The following VWA3B variants were observed in gnomAD, a reference collection of about 807,000 sequenced individuals.
The protein encoded by VWA3B is von Willebrand factor A domain-containing protein 3B.
VWA3B carries 138 observed loss-of-function variants against 158.3 expected under a neutral mutation model. The ratio of observed to expected loss-of-function variants is 0.87; its 90% CI spans 0.76 to 1.00. VWA3B has a LOEUF of 1.00. Ranked by LOEUF, VWA3B falls within the 50% of genes least tolerant of loss-of-function variation. The pLI is 0.00. For synonymous variants in VWA3B, 596 were observed against 587.3 expected, an observed-to-expected ratio of 1.01 and a Z score of -0.21; for missense variants, 1,555 against 1,565.1, an observed-to-expected ratio of 0.99 and a Z score of 0.11.
chr2:98,154,619 G>A (rs1357312383), intron 7 of VWA3B, among the ~76,000 whole-genome samples: 1 of 152,176 alleles, frequency 6.6e-6, no homozygotes, highest in African/African-American at 2.4e-5. Flanking sequence ...ACTGGGCAGG[G>A]GTGGGCTCAG....
chr2:98,141,398 A>G (rs1361802863), intron 7 of VWA3B, among the ~76,000 whole-genome samples: 1 of 152,198 alleles, frequency 6.6e-6, no homozygotes, highest in Admixed American at 6.5e-5. Context: ...CCTTTTAAAT[A>G]TGGCAGAAGG....
chr2:98,303,621 G>T, intron 25 of VWA3B, 81 bp from the exon 26 acceptor site: 9 of 1,311,172 alleles, frequency 6.9e-6, no homozygotes, highest in Non-Finnish European at 9.8e-6. Context: ...CTATTATAAT[G>T]GGTTGAGCTA....
intron 7 of VWA3B, among the ~76,000 whole-genome samples, chr2:98,152,717 T>C (rs1677738502): frequency 6.6e-6 from 1 of 152,208 alleles, no homozygotes; most frequent in Non-Finnish European, 1.5e-5. Context: ...AATTTTGGCA[T>C]TGATGCATCT....
intron 26 of VWA3B, among the ~76,000 whole-genome samples, chr2:98,308,546 C>G (rs1324138724): frequency 6.6e-6 from 1 of 152,250 alleles, no homozygotes; most frequent in Non-Finnish European, 1.5e-5. Flanking sequence ...CATCCTCTCT[C>G]CTTGCCAGGG....
downstream of VWA3B, among the ~76,000 whole-genome samples, chr2:98,315,061 A>G (rs1164455481): frequency 6.6e-6 from 1 of 152,188 alleles, no homozygotes; most frequent in Non-Finnish European, 1.5e-5. Context: ...AGTACCAGAA[A>G]TGGCAACTGA....
intron 8 of VWA3B, among the ~76,000 whole-genome samples, chr2:98,171,495 T>A (rs1679579417): frequency 6.6e-6 from 1 of 152,086 alleles, no homozygotes; most frequent in Non-Finnish European, 1.5e-5. Context: ...AACAGCACTT[T>A]AGAAGAACTG....
chr2:98,100,373 A>T (rs1334069129), intron 2 of VWA3B, among the ~76,000 whole-genome samples: 1 of 152,186 alleles, frequency 6.6e-6, no homozygotes. Flanking sequence ...TATGGCCACC[A>T]AGGCTGGCAC....
chr2:98,103,207 G>A (rs1421723808), intron 2 of VWA3B, among the ~76,000 whole-genome samples: 3 of 151,840 alleles, frequency 2.0e-5, no homozygotes, highest in Non-Finnish European at 4.4e-5. Flanking sequence ...AGTCTTGTTA[G>A]CAGTATATAA....
At chr2:98,270,952 T>C (rs993417642) in intron 22 of VWA3B, 69 bp downstream of exon 22, 2 of 1,501,252 alleles carry the variant, frequency 1.3e-6, no homozygotes, top group Non-Finnish European at 1.8e-6. Context: ...ATTCCTACAT[T>C]GGCTTCCTTC....
intron 15 of VWA3B, among the ~76,000 whole-genome samples, chr2:98,229,526 G>A (rs754861391): frequency 4.6e-5 from 7 of 152,206 alleles, no homozygotes; most frequent in Non-Finnish European, 1.0e-4. Context: ...TTCTGGGATC[G>A]CTCCATTCTC....
chr2:98,096,271 A>AT (rs542647221), intron 2 of VWA3B, among the ~76,000 whole-genome samples: 128 of 144,272 alleles, frequency 8.9e-4, no homozygotes, highest in South Asian at 1.8e-3. Context: ...TTGCTGGGAG[A>AT]TTTTTTTTTT....
intron 25 of VWA3B, among the ~76,000 whole-genome samples, chr2:98,302,143 C>T (rs566732155): frequency 9.5e-4 from 145 of 152,238 alleles, no homozygotes; most frequent in South Asian, 2.1e-3. Context: ...CTCACTGCTT[C>T]CTGAATGCGG....
intron 1 of VWA3B, among the ~76,000 whole-genome samples, chr2:98,092,816 G>GTATA (rs70940110): frequency 0.01 from 523 of 51,444 alleles, 26 homozygotes; most frequent in Non-Finnish European, 0.014. Context: ...AGATGTTTTT[G>GTATA]TATATATATA....
chr2:98,248,797 TTC>T (rs1288565299), intron 19 of VWA3B, among the ~76,000 whole-genome samples: 1 of 152,038 alleles, frequency 6.6e-6, no homozygotes, highest in Admixed American at 6.6e-5. Flanking sequence ...GTGTGTCCCT[TTC>T]TCTCTGTCTC....
At chr2:98,266,268 A>G (rs915228825) in intron 21 of VWA3B, among the ~76,000 whole-genome samples, 1 of 152,086 alleles carries the variant, frequency 6.6e-6, no homozygotes, top group Non-Finnish European at 1.5e-5. Context: ...CATATGGCTT[A>G]GCCAGTTTTC....
rs947016138 is a variant in VWA3B at position 98,217,075 on chromosome 2, G to A, written c.1837-771G>A. ...ATGGTGCTGGGGAGCTGGGCAGAGG[G>A]TGGGGGTTCCCCTCAATGGCAGAGG... On this transcript the variant is annotated intron_variant, in intron 13 of 27. Coordinates refer to ENST00000477737, the MANE Select transcript of VWA3B (RefSeq NM_144992.5). 1.0e-5 allele frequency: 10 copies of A among 980,800 alleles called. No homozygotes were observed. The Admixed American group carries it at 2.8e-4, about 27-fold the overall frequency. The allele number at this position is 980,800 out of a possible 1,614,324, so 60.8% of individuals were successfully genotyped here. A position where few individuals can be genotyped will look rare whatever the true frequency, so the allele number is the denominator to read the frequency against.
At chr2:98,288,287 T>C (rs1262696616) in intron 22 of VWA3B, among the ~76,000 whole-genome samples, 1 of 152,232 alleles carries the variant, frequency 6.6e-6, no homozygotes, top group Non-Finnish European at 1.5e-5. Context: ...TCCATCAGAC[T>C]TGGTTAGGTT....
At chr2:98,093,374 C>T (rs1429737344) in intron 2 of VWA3B, 86 bp downstream of exon 2, 4 of 1,402,162 alleles carry the variant, frequency 2.9e-6, no homozygotes, top group Non-Finnish European at 4.0e-6. Flanking sequence ...CCCTCAAAAA[C>T]CACAGGTCTC....
At chr2:98,328,168 TA>T in the VWA3B span, among the ~76,000 whole-genome samples, 1 of 152,202 alleles carries the variant, frequency 6.6e-6, no homozygotes, top group Admixed American at 6.5e-5. Context: ...CTCATGGTGA[TA>T]TTTTTTTTCT....
Sources: allele counts gnomAD v4.1 joint callset (sites outside exome capture counted in the v4.1 genomes callset), GRCh38; gene constraint gnomAD v4.1.1; transcripts MANE v1.5; gene names NCBI Gene and HGNC (gene_info 2026-07-23, HGNC 2026-07-21).